CEP63: variants seen among roughly 807,000 people sequenced by gnomAD.
CEP63 encodes the protein centrosomal protein of 63 kDa.
A neutral mutation model predicts 89.1 loss-of-function variants in CEP63; 84 were observed. The ratio of observed to expected loss-of-function variants is 0.94; its 90% confidence interval spans 0.79 to 1.13. The LOEUF is 1.13. CEP63 is among the 50% of genes most tolerant of loss of function. CEP63 has a pLI of 0.00. For synonymous variants in CEP63, 267 were observed against 272.5 expected, an observed-to-expected ratio of 0.98 and a Z score of 0.20; for missense variants, 838 against 813.3, an observed-to-expected ratio of 1.03 and a Z score of -0.37.
At chr3:134,706,202 GT>G in the CEP63 span, among the ~76,000 whole-genome samples, 1 of 152,160 alleles carries the variant, frequency 6.6e-6, no homozygotes, top group Non-Finnish European at 1.5e-5. Context: ...ATTTGGTGTG[GT>G]AGTGGGAGGC....
At chr3:134,682,232 C>A in the CEP63 span, among the ~76,000 whole-genome samples, 1 of 152,158 alleles carries the variant, frequency 6.6e-6, no homozygotes, top group African/African-American at 2.4e-5. Context: ...GTTCCTAAAG[C>A]CTGTTACTTC....
rs1957605437 is a variant in CEP63 at position 134,564,336 on chromosome 3, C to T, written c.*2801C>T. 1 of 985,376 alleles carries T rather than the reference C, an allele frequency of 1.0e-6. No homozygotes were observed. The highest frequency in any genetic ancestry group is 1.2e-6 in the Non-Finnish European group (1 of 829,988). 61.0% of individuals were successfully genotyped at this position (985,376 alleles called of 1,614,324 possible). On this transcript the variant is annotated 3_prime_UTR_variant, in exon 15 of 15. Transcript: ENST00000675561. ...TTTGTCTCCTCTTCCCACACCCTGT[C>T]ATGTGCTCCTAAAACTCCCCCTTTA...
chr3:134,772,991 C>A, the CEP63 span, among the ~76,000 whole-genome samples: 1 of 152,176 alleles, frequency 6.6e-6, no homozygotes, highest in Non-Finnish European at 1.5e-5. Context: ...GGGAGGGGTT[C>A]TACAAATTCC....
rs1560057635 is a variant in CEP63, at chr3:134,561,560, GAAATAA to G, written c.*33_*38del. ...GCCTCTTAAAAAAATCACTATCTTG[GAAATAA>G]AAATAAACACCAAAGAGTTACTGTC... is the stretch of plus-strand genomic sequence containing the variant. On this transcript the variant is annotated 3_prime_UTR_variant, in exon 15 of 15. Coordinates refer to ENST00000675561, the MANE Select transcript of CEP63 (RefSeq NM_001353108.3). 5 of 1,598,562 alleles carry G rather than the reference GAAATAA, an allele frequency of 3.1e-6. No individual in the cohort carries two copies. The highest frequency in any genetic ancestry group is 4.3e-6 in the Non-Finnish European group (5 of 1,171,008).
chr3:134,619,098 G>A, the CEP63 span: 6 of 1,445,530 alleles, frequency 4.2e-6, no homozygotes, highest in East Asian at 4.5e-5. Flanking sequence ...CTGTGGAAGA[G>A]GGAGAGGGAT....
chr3:134,631,903 G>T, the CEP63 span, among the ~76,000 whole-genome samples: 1 of 152,006 alleles, frequency 6.6e-6, no homozygotes, highest in Non-Finnish European at 1.5e-5. Flanking sequence ...CAGAAAGGGT[G>T]AATACATAAG....
chr3:134,760,444 G>C, the CEP63 span, among the ~76,000 whole-genome samples: 2 of 152,176 alleles, frequency 1.3e-5, no homozygotes, highest in Admixed American at 6.5e-5. Context: ...AAGAAGATGA[G>C]GTCAAGTGAT....
chr3:134,539,828 A>T (rs954827952), intron 6 of CEP63, among the ~76,000 whole-genome samples: 1 of 152,236 alleles, frequency 6.6e-6, no homozygotes, highest in Non-Finnish European at 1.5e-5. Context: ...ATTACATAAT[A>T]CATGCTTATT....
the CEP63 span, among the ~76,000 whole-genome samples, chr3:134,687,597 G>A: frequency 6.6e-6 from 1 of 152,230 alleles, no homozygotes; most frequent in East Asian, 1.9e-4. Flanking sequence ...AGATCAGGAT[G>A]GAGGGCTGTG....
intron 1 of CEP63, among the ~76,000 whole-genome samples, chr3:134,493,993 C>T (rs569862195): frequency 8.7e-4 from 133 of 152,198 alleles, no homozygotes; most frequent in African/African-American, 3.1e-3. Flanking sequence ...TTATAAAAGG[C>T]GAGAAGCATA....
chr3:134,547,561 T>TAA (rs377327281), intron 9 of CEP63, 89 bp downstream of exon 9: 34 of 1,099,840 alleles, frequency 3.1e-5, no homozygotes, highest in Non-Finnish European at 4.2e-5. Context: ...ATAGTCATAG[T>TAA]AAAAAAAATA....
the CEP63 span, among the ~76,000 whole-genome samples, chr3:134,609,137 G>A: frequency 6.6e-5 from 10 of 152,344 alleles, no homozygotes; most frequent in East Asian, 5.8e-4. Flanking sequence ...AAGTTCAAAG[G>A]GGGGAAAGGC....
the CEP63 span, among the ~76,000 whole-genome samples, chr3:134,777,343 C>A: frequency 6.6e-6 from 1 of 152,140 alleles, no homozygotes; most frequent in Admixed American, 6.5e-5. Context: ...GGCCTTATTT[C>A]TTCTCCTTGA....
chr3:134,680,123 A>G, the CEP63 span, among the ~76,000 whole-genome samples: 1 of 152,196 alleles, frequency 6.6e-6, no homozygotes, highest in Non-Finnish European at 1.5e-5. Context: ...GCCATGTGCA[A>G]GCCAAGGCGA....
chr3:134,635,327 T>A, the CEP63 span, among the ~76,000 whole-genome samples: 1 of 151,744 alleles, frequency 6.6e-6, no homozygotes, highest in Non-Finnish European at 1.5e-5. Context: ...TGAAACCCCA[T>A]CTCTACTAAA....
At chr3:134,625,199 C>G in the CEP63 span, 1 of 1,304,850 alleles carries the variant, frequency 7.7e-7, no homozygotes, top group South Asian at 1.3e-5. Flanking sequence ...CTGGCCTAGG[C>G]CTTGCTGTCT....
the CEP63 span, among the ~76,000 whole-genome samples, chr3:134,681,473 G>A: frequency 2.6e-5 from 4 of 152,278 alleles, no homozygotes; most frequent in South Asian, 6.2e-4. Flanking sequence ...TGCAATGTGT[G>A]GTCATGTTGA....
chr3:134,564,272 C>T lies in CEP63; in HGVS notation c.*2737C>T. The T allele has an allele frequency of 1.0e-6, 1 of 985,468 alleles. No individual in the cohort carries two copies. Among genetic ancestry groups the T allele is most frequent in the Non-Finnish European group, 1.2e-6 (1 of 829,982 alleles). 61.0% of individuals were successfully genotyped at this position (985,468 alleles called of 1,614,324 possible). ...AAAATGCCATTCCTGAGGTGCACCA[C>T]ATCGTTTCTTTTGTGTTGGTGTGCA... On this transcript the variant is annotated 3_prime_UTR_variant, in exon 15 of 15. Coordinates refer to ENST00000675561, the MANE Select transcript of CEP63 (RefSeq NM_001353108.3).
the CEP63 span, among the ~76,000 whole-genome samples, chr3:134,636,093 T>C: frequency 2.6e-5 from 4 of 152,246 alleles, no homozygotes; most frequent in Non-Finnish European, 5.9e-5. Context: ...CTCAGATACA[T>C]ACATCTTTGT....
Sources: allele counts gnomAD v4.1 joint callset (sites outside exome capture counted in the v4.1 genomes callset), GRCh38; gene constraint gnomAD v4.1.1; transcripts MANE v1.5; gene names NCBI Gene and HGNC (gene_info 2026-07-23, HGNC 2026-07-21).